The following DSG4 variants were observed in gnomAD, a reference collection of about 807,000 sequenced individuals.
DSG4 encodes the protein desmoglein-4.
DSG4 carries 87 observed loss-of-function variants against 93.1 expected under a neutral mutation model. The ratio of observed to expected loss-of-function variants is 0.93; its 90% CI spans 0.79 to 1.12. The LOEUF (loss-of-function observed/expected upper bound fraction) is 1.12, where lower values mean the gene tolerates loss of function less well. Ranked by LOEUF, DSG4 falls within the 50% of genes most tolerant of loss-of-function variation. DSG4 has a pLI of 0.00. For missense variants in DSG4, 1,373 were observed against 1,285.7 expected, an observed-to-expected ratio of 1.07 and a Z score of -1.04; for synonymous variants, 432 against 452.9, an observed-to-expected ratio of 0.95 and a Z score of 0.59.
In DSG4 at chr18:31,388,423, G is replaced by A; in HGVS notation, c.273G>A (p.Gly91=). The part of the protein sequence containing the change: ...QKITYRISGV[G]IDRPPYGVFT... ...TAACATACCGGATTTCTGGAGTAGG[G>A]ATTGATCGACCACCATATGGGGTAT... Residue 91 remains glycine (G), a synonymous_variant, in exon 4 of 16, where the codon GGG becomes GGA. Transcript: ENST00000308128. 2 of 1,613,560 alleles carry A rather than the reference G, an allele frequency of 1.2e-6. No individual in the cohort carries two copies. Among genetic ancestry groups the A allele is most frequent in the Middle Eastern group, 3.3e-4 (2 of 6,058 alleles).
intron 10 of DSG4, among the ~76,000 whole-genome samples, chr18:31,401,923 T>C (rs962268932): frequency 1.5e-4 from 23 of 152,220 alleles, no homozygotes; most frequent in Non-Finnish European, 4.4e-5. Context: ...CTGTACATCC[T>C]GGGCTTCATC....
chr18:31,410,747 G>C (rs2072478174), intron 14 of DSG4, among the ~76,000 whole-genome samples: 1 of 152,180 alleles, frequency 6.6e-6, no homozygotes, highest in Non-Finnish European at 1.5e-5. Context: ...TTCTCTGATG[G>C]TTCCTTAGTA....
chr18:31,411,867 G>C (rs1327681574), intron 15 of DSG4, among the ~76,000 whole-genome samples: 1 of 152,118 alleles, frequency 6.6e-6, no homozygotes, highest in Admixed American at 6.5e-5. Context: ...AAAATAAAAA[G>C]AATTGGGAAC....
intron 8 of DSG4, among the ~76,000 whole-genome samples, chr18:31,394,744 G>C (rs1416948747): frequency 6.6e-6 from 1 of 151,154 alleles, no homozygotes; most frequent in Non-Finnish European, 1.5e-5. Context: ...GAGGAATAGA[G>C]GAACAAGAGG....
chr18:31,392,222 A>T lies in DSG4; in HGVS notation c.887A>T (p.Asp296Val). The T allele has an allele frequency of 6.2e-7, 1 of 1,613,840 alleles. No homozygotes were observed. Residue 296 changes from aspartate to valine, a missense_variant, in exon 8 of 16, where the codon GAT becomes GTT. Coordinates refer to ENST00000308128, the MANE Select transcript of DSG4 (RefSeq NM_177986.5). ...ELIRLQAIDL[D>V]EEGTDNWLAQ... ...ATACGATTACAAGCAATTGATCTTG[A>T]TGAAGAAGGCACTGATAACTGGTTG...
intron 1 of DSG4, among the ~76,000 whole-genome samples, chr18:31,380,542 C>T (rs566804896): frequency 9.9e-5 from 15 of 152,258 alleles, no homozygotes; most frequent in Middle Eastern, 3.4e-3. Context: ...TTCTTTTCTA[C>T]GCAGAAAATT....
At chr18:31,412,700 T>C in intron 15 of DSG4, 128 bp from the exon 16 acceptor site, 1 of 934,404 alleles carries the variant, frequency 1.1e-6, no homozygotes, top group Non-Finnish European at 1.6e-6. Context: ...TTTTAATGAG[T>C]GATTGATACC....
chr18:31,398,019 C>T (rs1472124086), intron 8 of DSG4, among the ~76,000 whole-genome samples: 36 of 123,278 alleles, frequency 2.9e-4, no homozygotes, highest in African/African-American at 1.1e-3. Context: ...AGAATGAGAC[C>T]CTGTCTCAAA....
chr18:31,386,517 G>A (rs1281156244), intron 2 of DSG4, among the ~76,000 whole-genome samples, 171 bp from the exon 3 acceptor site: 3 of 152,052 alleles, frequency 2.0e-5, no homozygotes, highest in African/African-American at 7.2e-5. Flanking sequence ...TGGCAGCCAG[G>A]GGTAACCAAG....
At chr18:31,393,919 A>G (rs1483304048) in intron 8 of DSG4, among the ~76,000 whole-genome samples, 1 of 152,200 alleles carries the variant, frequency 6.6e-6, no homozygotes, top group Non-Finnish European at 1.5e-5. Context: ...TATATATAAG[A>G]TTGTCATCCA....
chr18:31,378,654 T>C (rs1162975907), intron 1 of DSG4, among the ~76,000 whole-genome samples: 1 of 152,196 alleles, frequency 6.6e-6, no homozygotes, highest in Non-Finnish European at 1.5e-5. Context: ...AGTCTTTGTG[T>C]TTGACATTTC....
At chr18:31,387,986 T>C (rs1266207251) in intron 3 of DSG4, among the ~76,000 whole-genome samples, 1 of 152,148 alleles carries the variant, frequency 6.6e-6, no homozygotes, top group Non-Finnish European at 1.5e-5. Flanking sequence ...CCAGCTTAGG[T>C]AGGATACTTA....
chr18:31,397,353 T>C (rs1170218542), intron 8 of DSG4, among the ~76,000 whole-genome samples: 1 of 152,174 alleles, frequency 6.6e-6, no homozygotes, highest in African/African-American at 2.4e-5. Context: ...TTCCTTAAAC[T>C]GCAGAGACTG....
chr18:31,377,867 C>T (rs889958218), intron 1 of DSG4, among the ~76,000 whole-genome samples: 1 of 152,182 alleles, frequency 6.6e-6, no homozygotes, highest in Non-Finnish European at 1.5e-5. Context: ...TCCAGGTTAG[C>T]GCTACAACCT....
chr18:31,388,044 C>A (rs2072207403), intron 3 of DSG4, among the ~76,000 whole-genome samples: 1 of 152,044 alleles, frequency 6.6e-6, no homozygotes, highest in East Asian at 1.9e-4. Context: ...GTTGTAATTT[C>A]TTTTGTGAAG....
At chr18:31,399,027 A>C (rs937965132) in intron 8 of DSG4, among the ~76,000 whole-genome samples, 27 of 152,202 alleles carry the variant, frequency 1.8e-4, no homozygotes, top group Non-Finnish European at 3.5e-4. Context: ...AAAACTCCAA[A>C]ATTTTATTCC....
chr18:31,389,548 C>T (rs1445770487), intron 5 of DSG4, among the ~76,000 whole-genome samples: 1 of 151,912 alleles, frequency 6.6e-6, no homozygotes, highest in African/African-American at 2.4e-5. Context: ...GTTCTAATAC[C>T]CTCTGTCTTT....
intron 10 of DSG4, among the ~76,000 whole-genome samples, chr18:31,402,052 A>G (rs2072373830): frequency 6.6e-6 from 1 of 152,196 alleles, no homozygotes; most frequent in South Asian, 2.1e-4. Flanking sequence ...ATTGCACCCT[A>G]TGTTTGCATA....
At chr18:31,398,066 T>C (rs1429073252) in intron 8 of DSG4, among the ~76,000 whole-genome samples, 1 of 151,538 alleles carries the variant, frequency 6.6e-6, no homozygotes, top group Admixed American at 6.6e-5. Context: ...GTTCTCGATT[T>C]TTCATTTATT....
Sources: allele counts gnomAD v4.1 joint callset (sites outside exome capture counted in the v4.1 genomes callset), GRCh38; gene constraint gnomAD v4.1.1; transcripts MANE v1.5; gene names NCBI Gene and HGNC (gene_info 2026-07-23, HGNC 2026-07-21).